The following B3GAT2 variants were observed in gnomAD, a reference collection of about 807,000 sequenced individuals.
B3GAT2 encodes the protein galactosylgalactosylxylosylprotein 3-beta-glucuronosyltransferase 2.
B3GAT2 carries 26 observed loss-of-function variants against 27.8 expected under a neutral mutation model. The observed-to-expected ratio is 0.93, with a 90% confidence interval of 0.68 to 1.30. The LOEUF (loss-of-function observed/expected upper bound fraction) is 1.30. Among genes scored for constraint, B3GAT2 ranks in the 50% most tolerant of loss-of-function variants. The probability of loss-of-function intolerance (pLI) is 0.00; values close to 1 mark genes in which losing one functional copy is unlikely to be tolerated. For synonymous variants in B3GAT2, 218 were observed against 195.1 expected (o/e 1.12, Z -0.98); for missense variants, 458 against 459.0 (o/e 1.00, Z 0.02).
chr6:70,891,187 C>A (rs1345972964), intron 2 of B3GAT2, among the ~76,000 whole-genome samples: 2 of 152,178 alleles, frequency 1.3e-5, no homozygotes, highest in Non-Finnish European at 2.9e-5. Flanking sequence ...ACAGTAGAAA[C>A]CCCCCAGGGC....
intron 2 of B3GAT2, 53 bp from the exon 3 acceptor site, chr6:70,862,031 C>CT (rs1771760684): frequency 3.3e-6 from 5 of 1,499,796 alleles, no homozygotes; most frequent in South Asian, 2.7e-5. Flanking sequence ...GTGTACTTCT[C>CT]TTTTTTTCTG....
chr6:70,923,455 T>C (rs572384459), intron 1 of B3GAT2, among the ~76,000 whole-genome samples: 1 of 152,126 alleles, frequency 6.6e-6, no homozygotes, highest in African/African-American at 2.4e-5. Flanking sequence ...GGTGTCAGAA[T>C]TGCTTGAGCC....
At chr6:70,949,462 A>G (rs935603444) in intron 1 of B3GAT2, among the ~76,000 whole-genome samples, 7 of 151,284 alleles carry the variant, frequency 4.6e-5, no homozygotes, top group African/African-American at 1.7e-4. Context: ...AATGCTCAGC[A>G]TCACTGGCCA....
At position 70,891,270 on chromosome 6, in the gene B3GAT2, C is replaced by T. The variant is rs188611536; in HGVS notation, c.736+2858G>A. Among the ~76,000 whole-genome samples, 21 of 152,274 alleles carry T rather than the reference C, an allele frequency of 1.4e-4. No homozygotes were observed. In the East Asian group the frequency reaches 3.9e-3, roughly 28 times the overall value. On this transcript the variant is annotated intron_variant, in intron 2 of 3. Coordinates refer to ENST00000230053, the MANE Select transcript of B3GAT2 (RefSeq NM_080742.3). ...AACTGCACACCACCAGTGGGGCTGCCTCCAGTGTTTTCTTTCCATCTTGTG... is the reference window on the plus strand; with the variant it reads ...AACTGCACACCACCAGTGGGGCTGCTTCCAGTGTTTTCTTTCCATCTTGTG...
chr6:70,951,542 G>C (rs1323708244), intron 1 of B3GAT2, among the ~76,000 whole-genome samples: 1 of 152,142 alleles, frequency 6.6e-6, no homozygotes, highest in Non-Finnish European at 1.5e-5. Flanking sequence ...GAGGAAGAAT[G>C]ATGGAAAAAG....
chr6:70,950,288 CA>C (rs201678301), intron 1 of B3GAT2, among the ~76,000 whole-genome samples: 66 of 69,378 alleles, frequency 9.5e-4, no homozygotes, highest in Admixed American at 4.9e-3. Flanking sequence ...CATTTTCTTG[CA>C]AAAAAAAAAA....
intron 1 of B3GAT2, among the ~76,000 whole-genome samples, chr6:70,917,726 C>T (rs1772797369): frequency 1.3e-5 from 2 of 152,124 alleles, no homozygotes; most frequent in South Asian, 4.1e-4. Context: ...TTTCTTAATC[C>T]TGAGTTCTAA....
chr6:70,955,330 C>T (rs1164030955), intron 1 of B3GAT2, among the ~76,000 whole-genome samples: 1 of 152,098 alleles, frequency 6.6e-6, no homozygotes, highest in Non-Finnish European at 1.5e-5. Flanking sequence ...GCTATCTCCA[C>T]CTTTCTCCCT....
intron 1 of B3GAT2, among the ~76,000 whole-genome samples, chr6:70,947,983 A>C (rs975218318): frequency 6.6e-6 from 1 of 152,108 alleles, no homozygotes; most frequent in African/African-American, 2.4e-5. Context: ...CAAAAACCAC[A>C]TGATTATCTT....
chr6:70,955,404 A>C, intron 1 of B3GAT2, among the ~76,000 whole-genome samples: 1 of 149,600 alleles, frequency 6.7e-6, no homozygotes, highest in South Asian at 2.1e-4. Flanking sequence ...CACCTAGCCT[A>C]CCCGTCCCCA....
chr6:70,902,679 C>T (rs952813706), intron 1 of B3GAT2, among the ~76,000 whole-genome samples: 4 of 148,228 alleles, frequency 2.7e-5, no homozygotes, highest in Admixed American at 2.0e-4. Context: ...TATATATATA[C>T]ACATAAACAC....
At chr6:70,892,141 T>A (rs1772300048) in intron 2 of B3GAT2, among the ~76,000 whole-genome samples, 1 of 152,186 alleles carries the variant, frequency 6.6e-6, no homozygotes, top group Non-Finnish European at 1.5e-5. Context: ...ATAATTCATA[T>A]CTTATTATGA....
At chr6:70,915,399 G>A (rs1046188738) in intron 1 of B3GAT2, among the ~76,000 whole-genome samples, 3 of 152,040 alleles carry the variant, frequency 2.0e-5, no homozygotes, top group Admixed American at 6.6e-5. Context: ...TGCAGAAGCT[G>A]TTTAGTTTAA....
chr6:70,871,222 G>GTTTTTTTTTTTT (rs11367700), intron 2 of B3GAT2, among the ~76,000 whole-genome samples: 2 of 65,632 alleles, frequency 3.0e-5, no homozygotes, highest in African/African-American at 4.3e-5. Flanking sequence ...TTTTTTTTTT[G>GTTTTTTTTTTTT]TTTTTTTTTT....
chr6:70,927,153 C>T (rs867656433), intron 1 of B3GAT2, among the ~76,000 whole-genome samples: 2 of 152,170 alleles, frequency 1.3e-5, no homozygotes, highest in African/African-American at 2.4e-5. Flanking sequence ...ACCAGGCCTG[C>T]CTTACAAGAG....
intron 1 of B3GAT2, among the ~76,000 whole-genome samples, chr6:70,917,226 C>T (rs538996064): frequency 2.8e-4 from 42 of 151,998 alleles, no homozygotes; most frequent in East Asian, 3.9e-4. Context: ...TTTGTATTTC[C>T]GTGGGATCGG....
chr6:70,860,521 A>ATT lies in B3GAT2; in HGVS notation c.*1141_*1142insAA. The ATT allele has an allele frequency of 3.6e-6, 2 of 550,946 alleles. No homozygotes were observed. The highest frequency in any genetic ancestry group is 2.8e-6 in the Non-Finnish European group (1 of 354,446). The allele number at this position is 550,946 out of a possible 1,614,324, so 34.1% of individuals were successfully genotyped here. A position where few individuals can be genotyped will look rare whatever the true frequency, so the allele number is the denominator to read the frequency against. The stretch of plus-strand genomic sequence containing the variant: ...GATGTGGTGAAAAGCAGGTTGATAA[A>ATT]TCATTTTATGTCAAGGGCAGCTTTG... On this transcript the variant is annotated 3_prime_UTR_variant, in exon 4 of 4. Coordinates refer to ENST00000230053, the MANE Select transcript of B3GAT2 (RefSeq NM_080742.3).
intron 1 of B3GAT2, among the ~76,000 whole-genome samples, chr6:70,909,867 G>GT (rs1238726798): frequency 4.6e-5 from 7 of 151,814 alleles, no homozygotes; most frequent in Admixed American, 3.3e-4. Context: ...CCTCCTCTTT[G>GT]TTTTTTTGTT....
chr6:70,948,314 T>C (rs1351168319), intron 1 of B3GAT2, among the ~76,000 whole-genome samples: 1 of 145,810 alleles, frequency 6.9e-6, no homozygotes, highest in Admixed American at 6.9e-5. Flanking sequence ...GATGACATGG[T>C]TGTATATCTA....
Sources: allele counts gnomAD v4.1 joint callset (sites outside exome capture counted in the v4.1 genomes callset), GRCh38; gene constraint gnomAD v4.1.1; transcripts MANE v1.5; gene names NCBI Gene and HGNC (gene_info 2026-07-23, HGNC 2026-07-21).